The following MCTP1 variants were observed in gnomAD, a reference collection of about 807,000 sequenced individuals.
The protein encoded by MCTP1 is multiple C2 and transmembrane domain containing 1.
MCTP1 carries 69 observed loss-of-function variants against 120.6 expected under a neutral mutation model. The ratio of observed to expected loss-of-function variants is 0.57; its 90% confidence interval spans 0.47 to 0.70. The LOEUF (loss-of-function observed/expected upper bound fraction) is 0.70. Ranked by LOEUF, MCTP1 falls within the 30% of genes least tolerant of loss-of-function variation. MCTP1 has a pLI of 0.00. For synonymous variants in MCTP1, 529 were observed against 493.1 expected (o/e 1.07, Z -0.96); for missense variants, 1,203 against 1,248.8 (o/e 0.96, Z 0.55).
chr5:95,092,778 G>T (rs887209924), intron 1 of MCTP1, among the ~76,000 whole-genome samples: 2 of 152,096 alleles, frequency 1.3e-5, no homozygotes, highest in Non-Finnish European at 2.9e-5. Flanking sequence ...AAGGCTTTAG[G>T]CCAAATAACA....
intron 17 of MCTP1, among the ~76,000 whole-genome samples, chr5:94,855,758 T>A (rs1156488970): frequency 1.3e-5 from 2 of 151,802 alleles, no homozygotes; most frequent in Non-Finnish European, 2.9e-5. Flanking sequence ...GGCTTGTTAA[T>A]GTTATTTTTC....
intron 1 of MCTP1, among the ~76,000 whole-genome samples, chr5:95,101,666 T>C (rs1277511721): frequency 6.6e-6 from 1 of 152,192 alleles, no homozygotes; most frequent in Non-Finnish European, 1.5e-5. Flanking sequence ...AGAAAGAACG[T>C]AGAGAGTCAC....
intron 8 of MCTP1, among the ~76,000 whole-genome samples, chr5:94,914,703 T>C (rs993881035): frequency 2.0e-5 from 3 of 152,248 alleles, no homozygotes; most frequent in Non-Finnish European, 4.4e-5. Flanking sequence ...ATGGAGCACC[T>C]GCAAGTTCTG....
At chr5:94,751,253 G>A (rs756872658) in intron 19 of MCTP1, among the ~76,000 whole-genome samples, 2 of 152,026 alleles carry the variant, frequency 1.3e-5, no homozygotes, top group Non-Finnish European at 2.9e-5. Flanking sequence ...GGTTTAAACA[G>A]AAAGAAACTG....
chr5:94,868,453 C>A lies in MCTP1; in HGVS notation c.2317-1G>T. 6.3e-7 allele frequency: 1 copy of A among 1,587,820 alleles called. No homozygotes were observed. Among genetic ancestry groups the A allele is most frequent in the South Asian group, 1.2e-5 (1 of 85,924 alleles). ...TTCTGATAAAGTTTCTTAGTAGCAG[C>A]TGTAAGGAAAATGAAAATATTATTA... On this transcript the variant is annotated splice_acceptor_variant, in intron 16 of 22. Coordinates refer to ENST00000515393, the MANE Select transcript of MCTP1 (RefSeq NM_024717.7). LOFTEE classifies it high-confidence loss of function.
intron 1 of MCTP1, among the ~76,000 whole-genome samples, chr5:95,041,082 T>C (rs1842270764): frequency 6.6e-6 from 1 of 152,132 alleles, no homozygotes. Flanking sequence ...CGAGTTTTTT[T>C]TTGTTACTTG....
intron 1 of MCTP1, among the ~76,000 whole-genome samples, chr5:95,121,106 G>A (rs560979358): frequency 7.2e-5 from 11 of 151,754 alleles, no homozygotes; most frequent in South Asian, 2.1e-4. Flanking sequence ...GTGAAACCCC[G>A]TCTCTACTAA....
At chr5:94,845,817 G>T (rs552870492) in intron 17 of MCTP1, among the ~76,000 whole-genome samples, 1 of 152,276 alleles carries the variant, frequency 6.6e-6, no homozygotes, top group South Asian at 2.1e-4. Context: ...CTTCCAAAGT[G>T]CTGGCATTTC....
chr5:94,975,582 C>T lies in MCTP1; in HGVS notation c.839-22221G>A, dbSNP rs115395546. On this transcript the variant is annotated intron_variant, in intron 2 of 22. Coordinates refer to ENST00000515393, the MANE Select transcript of MCTP1 (RefSeq NM_024717.7). ...TTAAGCCACCCAGTCTACAGTATTT[C>T]GTTATAACAGCCCAAGCAAAGATGG... Among the ~76,000 whole-genome samples the T allele has an allele frequency of 6.5e-3, 992 of 151,828 alleles. 10 individuals are homozygous for T. Among genetic ancestry groups the T allele is most frequent in the African/African-American group, 0.023 (948 of 41,402 alleles).
chr5:95,167,638 T>C (rs1746593140), intron 1 of MCTP1, among the ~76,000 whole-genome samples: 4 of 152,246 alleles, frequency 2.6e-5, no homozygotes, highest in Admixed American at 2.6e-4. Flanking sequence ...GTGGTTTTGA[T>C]TTGCATTTCT....
intron 1 of MCTP1, among the ~76,000 whole-genome samples, chr5:95,204,397 C>G (rs376139951): frequency 6.6e-6 from 1 of 152,124 alleles, no homozygotes; most frequent in Admixed American, 6.6e-5. Flanking sequence ...TCCAAAAAAA[C>G]TCATAGCTAC....
intron 1 of MCTP1, among the ~76,000 whole-genome samples, chr5:95,267,352 A>G (rs888608915): frequency 7.9e-5 from 12 of 152,146 alleles, no homozygotes; most frequent in African/African-American, 2.9e-4. Flanking sequence ...ACTGAGCTTT[A>G]TCTAATTTTC....
chr5:95,154,548 T>A (rs1413276684), intron 1 of MCTP1, among the ~76,000 whole-genome samples: 1 of 152,176 alleles, frequency 6.6e-6, no homozygotes, highest in African/African-American at 2.4e-5. Flanking sequence ...ATTAGGAATT[T>A]TTTAGCTTAA....
intron 2 of MCTP1, among the ~76,000 whole-genome samples, chr5:94,997,745 T>C (rs1832899342): frequency 6.6e-6 from 1 of 152,214 alleles, no homozygotes; most frequent in Non-Finnish European, 1.5e-5. Context: ...TAGAGGTAAC[T>C]GAGCAGTTTT....
At chr5:95,104,052 C>T (rs146908059) in intron 1 of MCTP1, among the ~76,000 whole-genome samples, 103 of 152,274 alleles carry the variant, frequency 6.8e-4, no homozygotes, top group Middle Eastern at 3.4e-3. Context: ...CCTGCATCTA[C>T]AGCCTGTGAT....
intron 1 of MCTP1, among the ~76,000 whole-genome samples, chr5:95,228,467 C>T (rs1395657352): frequency 1.8e-5 from 1 of 56,340 alleles, no homozygotes; most frequent in Non-Finnish European, 3.2e-5. Flanking sequence ...TCCATGCAGC[C>T]AAAAGAGAGA....
At chr5:95,050,777 C>T (rs1745698252) in intron 1 of MCTP1, among the ~76,000 whole-genome samples, 2 of 152,132 alleles carry the variant, frequency 1.3e-5, no homozygotes, top group African/African-American at 4.8e-5. Context: ...ATTCCTAGTA[C>T]TGTAGCATGT....
chr5:94,716,495 G>A lies in MCTP1; in HGVS notation c.2611-1609C>T, dbSNP rs367957624. ...TGTTCCTTTCAAAACTGCAAAGTTC[G>A]TCTGCCCCAACTGTGTGTCCCTTAG... On this transcript the variant is annotated intron_variant, in intron 19 of 22. Transcript: ENST00000515393. Among the ~76,000 whole-genome samples the A allele has an allele frequency of 9.9e-5, 15 of 151,780 alleles. No homozygotes were observed. The East Asian group carries it at 1.2e-3, about 12-fold the overall frequency.
At chr5:95,133,583 AG>A (rs2152426997) in intron 1 of MCTP1, among the ~76,000 whole-genome samples, 1 of 152,368 alleles carries the variant, frequency 6.6e-6, no homozygotes, top group South Asian at 2.1e-4. Flanking sequence ...TCAACCTGGG[AG>A]GTGAAGGTTG....
Sources: gnomAD v4.1 joint callset for allele counts (sites outside exome capture counted in the v4.1 genomes callset) on GRCh38, gnomAD v4.1.1 for gene constraint, MANE v1.5 for transcripts, NCBI Gene and HGNC (gene_info 2026-07-23, HGNC 2026-07-21) for gene names.